The following DNAJC6 variants were observed in gnomAD, a reference collection of about 807,000 sequenced individuals.
DNAJC6 encodes auxilin.
DNAJC6 carries 34 observed loss-of-function variants against 110.0 expected under a neutral mutation model. The observed-to-expected ratio is 0.31, with a 90% CI of 0.24 to 0.41. DNAJC6 has a LOEUF of 0.41. DNAJC6 is among the 10% of genes least tolerant of loss of function. DNAJC6 has a pLI of 1.00. For synonymous variants in DNAJC6, 406 were observed against 437.2 expected (o/e 0.93, Z 0.89); for missense variants, 1,031 against 1,207.8 (o/e 0.85, Z 2.17).
intron 1 of DNAJC6, among the ~76,000 whole-genome samples, chr1:65,315,447 T>G (rs184472478): frequency 7.7e-4 from 117 of 152,304 alleles, no homozygotes; most frequent in Non-Finnish European, 1.4e-3. Flanking sequence ...TAACTTCTAC[T>G]AAAAGTTTCT....
rs1285608030 is a variant in DNAJC6 at position 65,365,812 on chromosome 1, A to G, written c.345-73A>G. On this transcript the variant is annotated intron_variant, in intron 2 of 18. Transcript: ENST00000371069. ...CAGCGGTGTCCCAGTTCATATGCGC[A>G]AGTGATTGAGAGAGAGAAATCTTGG... 4 of 1,536,646 alleles carry G rather than the reference A, an allele frequency of 2.6e-6. No homozygotes were observed. The African/African-American group carries it at 5.5e-5, about 21-fold the overall frequency.
chr1:65,341,492 T>C (rs1322707944), intron 1 of DNAJC6, among the ~76,000 whole-genome samples: 1 of 152,196 alleles, frequency 6.6e-6, no homozygotes, highest in Non-Finnish European at 1.5e-5. Flanking sequence ...ATGCTGCTAA[T>C]GACTTATCAG....
chr1:65,363,351 C>T (rs140931567), intron 1 of DNAJC6, among the ~76,000 whole-genome samples: 2 of 152,126 alleles, frequency 1.3e-5, no homozygotes, highest in African/African-American at 4.8e-5. Flanking sequence ...AAGTCATGGA[C>T]AGAGCAGCCA....
chr1:65,306,830 A>C (rs151166983), upstream of DNAJC6, among the ~76,000 whole-genome samples: 39 of 152,250 alleles, frequency 2.6e-4, no homozygotes, highest in East Asian at 7.1e-3. Context: ...TATCCCTGGA[A>C]AAAATAATAT....
At chr1:65,293,693 A>G (rs1445005588) in intron 1 of DNAJC6, among the ~76,000 whole-genome samples, 1 of 152,184 alleles carries the variant, frequency 6.6e-6, no homozygotes, top group East Asian at 1.9e-4. Flanking sequence ...ACATACAAAA[A>G]TAAACATCTA....
At chr1:65,304,971 T>G (rs114278298), upstream of DNAJC6, among the ~76,000 whole-genome samples, 2,177 of 152,336 alleles carry the variant, frequency 0.014, 55 homozygotes, top group African/African-American at 0.051. Flanking sequence ...TGTTCCCCAG[T>G]TGAAGTGCCT....
At chr1:65,390,941 A>G (rs1472329849) in intron 11 of DNAJC6, among the ~76,000 whole-genome samples, 1 of 151,996 alleles carries the variant, frequency 6.6e-6, no homozygotes, top group Non-Finnish European at 1.5e-5. Flanking sequence ...TTTCCTCTCC[A>G]CTGTCATTTT....
intron 1 of DNAJC6, among the ~76,000 whole-genome samples, chr1:65,280,685 C>T (rs1653816914): frequency 6.6e-6 from 1 of 152,136 alleles, no homozygotes; most frequent in South Asian, 2.1e-4. Flanking sequence ...AATCCATTGG[C>T]CTGGAAGTTA....
intron 1 of DNAJC6, among the ~76,000 whole-genome samples, chr1:65,298,020 CT>C (rs2101259826): frequency 7.5e-6 from 1 of 133,884 alleles, no homozygotes; most frequent in South Asian, 2.5e-4. Context: ...CTGGCTCCCC[CT>C]ACGTGCCAAA....
chr1:65,336,527 T>C lies in DNAJC6; in HGVS notation c.193+26589T>C, dbSNP rs1289113122. 2.0e-5 allele frequency among the ~76,000 whole-genome samples: 3 copies of C among 152,214 alleles called. No homozygotes were observed. The South Asian group carries it at 6.2e-4, about 31-fold the overall frequency. Reference sequence around the variant, plus strand: ...AACACAGGTAGAAACCAGAAACCCATGTCCCCATTACTCAGCTTCGACAAT... The same window carrying C: ...AACACAGGTAGAAACCAGAAACCCACGTCCCCATTACTCAGCTTCGACAAT... On this transcript the variant is annotated intron_variant, in intron 1 of 18. Coordinates refer to ENST00000371069, the MANE Select transcript of DNAJC6 (RefSeq NM_001256864.2).
chr1:65,408,224 C>G (rs916432340), intron 16 of DNAJC6, among the ~76,000 whole-genome samples: 5 of 152,262 alleles, frequency 3.3e-5, no homozygotes, highest in African/African-American at 1.2e-4. Context: ...AGAGAAAGAG[C>G]AAAGTGATTG....
chr1:65,310,325 G>A (rs935352022), intron 1 of DNAJC6, among the ~76,000 whole-genome samples: 1 of 152,178 alleles, frequency 6.6e-6, no homozygotes, highest in East Asian at 1.9e-4. Context: ...AGCTGGATGA[G>A]GGGGAGAGGT....
At chr1:65,307,223 T>G (rs1289640116), upstream of DNAJC6, among the ~76,000 whole-genome samples, 1 of 151,952 alleles carries the variant, frequency 6.6e-6, no homozygotes, top group Non-Finnish European at 1.5e-5. Context: ...GTTTTTAGGC[T>G]GTTGTAAATT....
rs1159250593 is a variant in DNAJC6, at chr1:65,310,273, G to A, written c.193+335G>A. 2.6e-5 allele frequency among the ~76,000 whole-genome samples: 4 copies of A among 152,130 alleles called. No individual in the cohort carries two copies. The East Asian group carries it at 5.8e-4, about 22-fold the overall frequency. The stretch of plus-strand genomic sequence containing the variant: ...AGGGGAGCGGGTGGGGCGAAGAACG[G>A]CTTGGGAGGAGGGCTGGGAGAGGCA... On this transcript the variant is annotated intron_variant, in intron 1 of 18. Coordinates refer to ENST00000371069, the MANE Select transcript of DNAJC6 (RefSeq NM_001256864.2).
intron 1 of DNAJC6, among the ~76,000 whole-genome samples, chr1:65,351,204 G>A (rs1392790280): frequency 6.6e-6 from 1 of 152,172 alleles, no homozygotes; most frequent in Non-Finnish European, 1.5e-5. Flanking sequence ...TGGAGCAATT[G>A]TGAGGCTCAT....
intron 1 of DNAJC6, among the ~76,000 whole-genome samples, chr1:65,338,285 C>T (rs542230907): frequency 2.7e-4 from 41 of 152,262 alleles, no homozygotes; most frequent in Middle Eastern, 3.4e-3. Context: ...CTTTGTGCCA[C>T]AATACACAGC....
chr1:65,315,953 A>G (rs1645145038), intron 1 of DNAJC6, among the ~76,000 whole-genome samples: 1 of 152,250 alleles, frequency 6.6e-6, no homozygotes, highest in African/African-American at 2.4e-5. Context: ...TGAAAGTACA[A>G]ATATGTTTTC....
intron 1 of DNAJC6, among the ~76,000 whole-genome samples, chr1:65,310,224 G>A (rs1645086661): frequency 6.6e-6 from 1 of 150,742 alleles, no homozygotes; most frequent in East Asian, 2.0e-4. Context: ...GGGAGGGAAG[G>A]AGGAGGGGAG....
At chr1:65,265,286 A>G (rs1283421468) in intron 1 of DNAJC6, among the ~76,000 whole-genome samples, 1 of 152,202 alleles carries the variant, frequency 6.6e-6, no homozygotes, top group Non-Finnish European at 1.5e-5. Flanking sequence ...AATAATGAAT[A>G]TACAGGTTTT....
Sources: allele counts gnomAD v4.1 joint callset (sites outside exome capture counted in the v4.1 genomes callset), GRCh38; gene constraint gnomAD v4.1.1; transcripts MANE v1.5; gene names NCBI Gene and HGNC (gene_info 2026-07-23, HGNC 2026-07-21).